TBC1D30: variants seen among roughly 807,000 people sequenced by gnomAD.
TBC1D30 encodes TBC1 domain family member 30.
A neutral mutation model predicts 63.2 loss-of-function variants in TBC1D30; 31 were observed. The ratio of observed to expected loss-of-function variants is 0.49; its 90% CI spans 0.37 to 0.66. TBC1D30 has a LOEUF of 0.66. Among genes scored for constraint, TBC1D30 ranks in the 30% least tolerant of loss-of-function variants. The probability of loss-of-function intolerance (pLI) is 0.00; values close to 1 mark genes in which losing one functional copy is unlikely to be tolerated. For missense variants in TBC1D30, 810 were observed against 953.6 expected (o/e 0.85, Z 1.98); for synonymous variants, 307 against 361.5 (o/e 0.85, Z 1.71).
At chr12:64,804,802 TA>T (rs1164497065) in intron 2 of TBC1D30, among the ~76,000 whole-genome samples, 1 of 152,164 alleles carries the variant, frequency 6.6e-6, no homozygotes, top group Non-Finnish European at 1.5e-5. Flanking sequence ...CTAATTCTCC[TA>T]AAATCACCCA....
At chr12:64,809,894 T>C (rs1412686599) in intron 2 of TBC1D30, among the ~76,000 whole-genome samples, 2 of 152,226 alleles carry the variant, frequency 1.3e-5, no homozygotes, top group East Asian at 1.9e-4. Flanking sequence ...AATTTAATTC[T>C]CTACCTCATA....
intron 2 of TBC1D30, among the ~76,000 whole-genome samples, chr12:64,813,386 TAAC>T (rs201967839): frequency 8.6e-5 from 13 of 151,454 alleles, no homozygotes; most frequent in South Asian, 2.1e-4. Context: ...CAAGAGTCCA[TAAC>T]AACAACAACA....
At chr12:64,788,774 CTT>C (rs1871745861) in intron 2 of TBC1D30, among the ~76,000 whole-genome samples, 1 of 152,130 alleles carries the variant, frequency 6.6e-6, no homozygotes, top group South Asian at 2.1e-4. Context: ...TCAATTCTCT[CTT>C]TGCTAATAAG....
intron 8 of TBC1D30, among the ~76,000 whole-genome samples, chr12:64,851,913 T>G (rs1327417398): frequency 6.6e-6 from 1 of 152,224 alleles, no homozygotes; most frequent in Admixed American, 6.5e-5. Flanking sequence ...GGGCTTCCCT[T>G]TGTGGGTAAA....
At chr12:64,841,590 C>G (rs1446598647) in intron 7 of TBC1D30, among the ~76,000 whole-genome samples, 1 of 152,186 alleles carries the variant, frequency 6.6e-6, no homozygotes, top group Non-Finnish European at 1.5e-5. Flanking sequence ...CTCAGTAGCT[C>G]TCTTCCCTCA....
chr12:64,786,962 TA>T (rs1871629354), intron 2 of TBC1D30, among the ~76,000 whole-genome samples: 1 of 151,520 alleles, frequency 6.6e-6, no homozygotes, highest in South Asian at 2.1e-4. Flanking sequence ...AATAAATAAA[TA>T]AAAATAAAAA....
At chr12:64,771,008 G>A (rs969988114) in intron 1 of TBC1D30, among the ~76,000 whole-genome samples, 7 of 151,680 alleles carry the variant, frequency 4.6e-5, no homozygotes, top group East Asian at 1.9e-4. Context: ...CACCACGCCC[G>A]GCCAAAACAC....
intron 2 of TBC1D30, among the ~76,000 whole-genome samples, chr12:64,819,149 A>C (rs1244492231): frequency 1.3e-5 from 2 of 152,232 alleles, no homozygotes; most frequent in Non-Finnish European, 2.9e-5. Flanking sequence ...AATTAACAAA[A>C]TACAAAAGCT....
intron 1 of TBC1D30, among the ~76,000 whole-genome samples, chr12:64,771,505 A>G (rs1870905519): frequency 2.0e-5 from 3 of 152,116 alleles, no homozygotes; most frequent in Non-Finnish European, 4.4e-5. Flanking sequence ...AACAAGCACA[A>G]GCAGGACCAG....
intron 4 of TBC1D30, 61 bp downstream of exon 4, chr12:64,830,563 G>C: frequency 7.1e-7 from 1 of 1,407,468 alleles, no homozygotes; most frequent in Non-Finnish European, 9.4e-7. Flanking sequence ...AAAGCCAGTT[G>C]CTTTTTGGAC....
chr12:64,841,405 C>T (rs563390800), intron 7 of TBC1D30, among the ~76,000 whole-genome samples: 2 of 152,338 alleles, frequency 1.3e-5, no homozygotes, highest in Non-Finnish European at 2.9e-5. Flanking sequence ...TCACCCCATG[C>T]CTGGCCCACT....
chr12:64,837,886 C>A (rs774521071), intron 6 of TBC1D30, among the ~76,000 whole-genome samples: 39 of 152,052 alleles, frequency 2.6e-4, no homozygotes, highest in Admixed American at 6.6e-4. Flanking sequence ...ATTCTAGTCT[C>A]TGAACAAAGA....
At chr12:64,797,555 G>A (rs545912203) in intron 2 of TBC1D30, among the ~76,000 whole-genome samples, 299 of 152,208 alleles carry the variant, frequency 2.0e-3, no homozygotes, top group Non-Finnish European at 3.0e-3. Flanking sequence ...TCATGGGGAC[G>A]ACTCTCTTTA....
rs1239730787 is a variant in TBC1D30, at chr12:64,824,894, G to A, written c.15G>A (p.Lys5=). Residue 5 remains lysine, a synonymous_variant, in exon 1 of 12, where the codon AAG becomes AAA. Transcript: ENST00000539867. ...GGCGCTCTCGGATGCGGCAGGACAA[G>A]CTGACCGGGTCTCTGAGGCGCGGGG... MRQD[K]LTGSLRRGGR... 1.3e-6 allele frequency: 2 copies of A among 1,533,664 alleles called. No homozygotes were observed. The highest frequency in any genetic ancestry group is 1.7e-6 in the Non-Finnish European group (2 of 1,146,412).
intron 7 of TBC1D30, among the ~76,000 whole-genome samples, chr12:64,841,919 C>T (rs545724957): frequency 1.7e-3 from 262 of 152,294 alleles, no homozygotes; most frequent in Middle Eastern, 6.8e-3. Context: ...GAACAACACT[C>T]CAGAACCTAT....
At chr12:64,855,936 G>A (rs1217804139) in intron 8 of TBC1D30, among the ~76,000 whole-genome samples, 2 of 152,114 alleles carry the variant, frequency 1.3e-5, no homozygotes, top group South Asian at 2.1e-4. Context: ...TATCCTTCTT[G>A]GGAAGGCTTT....
At chr12:64,874,859 C>A (rs1463187950) in intron 11 of TBC1D30, 142 bp from the exon 12 acceptor site, 3 of 738,942 alleles carry the variant, frequency 4.1e-6, no homozygotes, top group African/African-American at 3.5e-5. Context: ...TGTCTTCAGT[C>A]ACATGACTCT....
At chr12:64,859,261 T>C (rs546302485) in intron 8 of TBC1D30, among the ~76,000 whole-genome samples, 1 of 152,274 alleles carries the variant, frequency 6.6e-6, no homozygotes, top group Admixed American at 6.5e-5. Flanking sequence ...AAGGCTGGAA[T>C]TCAGGGACTG....
chr12:64,778,138 A>G (rs1186049882), upstream of TBC1D30, among the ~76,000 whole-genome samples: 1 of 152,218 alleles, frequency 6.6e-6, no homozygotes, highest in Admixed American at 6.5e-5. Flanking sequence ...GCAGTAGTGT[A>G]GGGTGAGAAA....
Sources: gnomAD v4.1 joint callset for allele counts (sites outside exome capture counted in the v4.1 genomes callset) on GRCh38, gnomAD v4.1.1 for gene constraint, MANE v1.5 for transcripts, NCBI Gene and HGNC (gene_info 2026-07-23, HGNC 2026-07-21) for gene names.